The following SLC7A5 variants were observed in gnomAD, a reference collection of about 807,000 sequenced individuals.
SLC7A5 encodes the protein solute carrier family 7 member 5, also known as large neutral amino acids transporter small subunit 1.
A neutral mutation model predicts 50.2 loss-of-function variants in SLC7A5; 23 were observed. That is an observed-to-expected ratio of 0.46 (90% CI 0.33 to 0.65). The LOEUF (loss-of-function observed/expected upper bound fraction) is 0.65. Ranked by LOEUF, SLC7A5 falls within the 30% of genes least tolerant of loss-of-function variation. The pLI, the probability that SLC7A5 is intolerant of heterozygous loss-of-function variation, is 0.02. For missense variants in SLC7A5, 578 were observed against 684.4 expected (o/e 0.84, Z 1.73); for synonymous variants, 393 against 330.6 (o/e 1.19, Z -2.05).
At position 87,841,074 on chromosome 16, in the gene SLC7A5, C is replaced by T. The variant is rs770264439; in HGVS notation, c.746G>A (p.Ser249Asn). 6.8e-6 allele frequency: 11 copies of T among 1,613,630 alleles called. No individual in the cohort carries two copies. The highest frequency in any genetic ancestry group is 1.7e-6 in the Non-Finnish European group (2 of 1,179,786). Residue 249 changes from serine to asparagine, a missense_variant, in exon 3 of 10, where the codon AGC becomes AAC. Transcript: ENST00000261622. This position sits in a 1 kb window ranked among gnomAD's most constrained non-coding sequence, Gnocchi z 4.8. ...DVGNIVLALY[S>N]GLFAYGGWNY... The stretch of plus-strand genomic sequence containing the variant: ...CCATCCTCCATAGGCAAAGAGGCCG[C>T]TGTATAATGCCAGCACAATGTTCCC...
intron 2 of SLC7A5, among the ~76,000 whole-genome samples, chr16:87,851,043 A>C (rs1050540248): frequency 6.6e-6 from 1 of 152,210 alleles, no homozygotes; most frequent in African/African-American, 2.4e-5. Context: ...AAAGGCTCAG[A>C]ATCAGTGATT....
chr16:87,868,048 C>T (rs932090824), intron 1 of SLC7A5, among the ~76,000 whole-genome samples: 5 of 141,504 alleles, frequency 3.5e-5, no homozygotes, highest in African/African-American at 1.1e-4. Flanking sequence ...ACCTGGGAGG[C>T]GGGCTTGCGG....
rs548228910 is a variant in SLC7A5, at chr16:87,861,343, G to A, written c.538+7542C>T. Among the ~76,000 whole-genome samples the A allele has an allele frequency of 3.3e-5, 5 of 152,234 alleles. No homozygotes were observed. The highest frequency in any genetic ancestry group is 6.5e-5 in the Admixed American group (1 of 15,302). On this transcript the variant is annotated intron_variant, in intron 1 of 9. Transcript: ENST00000261622. The surrounding 1 kb of genome is among the most constrained non-coding windows in gnomAD (Gnocchi z 4.2). ...ACCCACCTGTGTCCTTACCTGGGCC[G>A]ACTGGGCCACCCAGTCTTGCTGACT...
chr16:87,858,996 C>A (rs560128840), intron 1 of SLC7A5, among the ~76,000 whole-genome samples: 1 of 152,198 alleles, frequency 6.6e-6, no homozygotes, highest in African/African-American at 2.4e-5. Context: ...TTGCACCGGC[C>A]CAGATGCTGC....
intron 2 of SLC7A5, among the ~76,000 whole-genome samples, chr16:87,848,274 G>A (rs1249678693): frequency 6.6e-6 from 1 of 152,230 alleles, no homozygotes; most frequent in African/African-American, 2.4e-5. Context: ...AGTTTGTTCT[G>A]CCGCTGACGG....
At position 87,831,187 on chromosome 16, in the gene SLC7A5, A is replaced by T. The variant is rs995758103; in HGVS notation, c.*1783T>A. ...TGCCTGCTGGTGGTCCTCGGCCTCC[A>T]GACCGTGGGCTGTCCCTTGGACGAG... On this transcript the variant is annotated 3_prime_UTR_variant, in exon 10 of 10. Transcript: ENST00000261622. The T allele has an allele frequency of 6.6e-6, 1 of 152,302 alleles. No homozygotes were observed. Among genetic ancestry groups the T allele is most frequent in the African/African-American group, 2.4e-5 (1 of 41,466 alleles). The allele number at this position is 152,302 out of a possible 1,614,324, so 9.4% of individuals were successfully genotyped here.
At chr16:87,838,110 C>T (rs941554948) in intron 6 of SLC7A5, among the ~76,000 whole-genome samples, 169 bp from the exon 7 acceptor site, 6 of 152,212 alleles carry the variant, frequency 3.9e-5, no homozygotes, top group African/African-American at 1.4e-4. Flanking sequence ...CTCTCAGTTC[C>T]CCCAACCAAC....
At chr16:87,838,485 GT>G (rs1212753569) in intron 6 of SLC7A5, among the ~76,000 whole-genome samples, 2 of 152,096 alleles carry the variant, frequency 1.3e-5, no homozygotes, top group African/African-American at 4.8e-5. Context: ...TAGAAACGGG[GT>G]TTTGCCATAT....
chr16:87,859,065 G>C (rs773045178), intron 1 of SLC7A5, among the ~76,000 whole-genome samples: 21 of 152,234 alleles, frequency 1.4e-4, no homozygotes, highest in Admixed American at 3.9e-4. Flanking sequence ...TCACCTGTCA[G>C]GGATGTTTGA....
Position 87,841,336 on chromosome 16 carries a change from C to T in SLC7A5, c.665-181G>A, listed in dbSNP as rs1388693447. Among the ~76,000 whole-genome samples, 2 of 152,176 alleles carry T rather than the reference C, an allele frequency of 1.3e-5. No homozygotes were observed. The highest frequency in any genetic ancestry group is 2.9e-5 in the Non-Finnish European group (2 of 67,996). On this transcript the variant is annotated intron_variant, in intron 2 of 9. Coordinates refer to ENST00000261622, the MANE Select transcript of SLC7A5 (RefSeq NM_003486.7). This position sits in a 1 kb window ranked among gnomAD's most constrained non-coding sequence, Gnocchi z 4.8. ...CATGGAGGGTGCAGGGTTCCAACCA[C>T]AACCAGGGGGATGTGGCCCTGCCAG...
In SLC7A5 at chr16:87,836,548, C is replaced by T. The variant is rs777097653; in HGVS notation, c.1240G>A (p.Gly414Ser). 6.2e-6 allele frequency: 10 copies of T among 1,613,368 alleles called. No individual in the cohort carries two copies. The highest frequency in any genetic ancestry group is 3.3e-4 in the Middle Eastern group (2 of 6,084). The change falls in exon 8 of 10, where the codon GGC (glycine) becomes AGC (serine). Residue 414 changes from glycine (G) to serine (S), a missense_variant. Coordinates refer to ENST00000261622, the MANE Select transcript of SLC7A5 (RefSeq NM_003486.7). ...TTTCTGTGGCGCAGCCAGATCATGC[C>T]GATGATGGCCAGGGCCACGCAGAGC... ...NWLCVALAII[G>S]MIWLRHRKPE...
chr16:87,867,355 C>T (rs765950258), intron 1 of SLC7A5, among the ~76,000 whole-genome samples: 30 of 152,316 alleles, frequency 2.0e-4, no homozygotes, highest in South Asian at 1.9e-3. Flanking sequence ...AAAAAGAAAT[C>T]AGAGTCATCC....
chr16:87,869,277 T>C lies in SLC7A5; in HGVS notation c.146A>G (p.Asn49Ser), dbSNP rs1256047544. 5.6e-6 allele frequency: 9 copies of C among 1,612,146 alleles called. No homozygotes were observed. The Admixed American group carries it at 1.2e-4, about 21-fold the overall frequency. ...GGCCACGCCGTTGAGCAGCGTGATG[T>C]TCCGCTGCAGGGTCACGCCCTCGCC... ...GEGEGVTLQR[N>S]ITLLNGVAII... The change falls in exon 1 of 10, where the codon AAC becomes AGC. Residue 49 changes from asparagine to serine, a missense_variant. Physicochemically the swap from Asn to Ser is conservative, Grantham distance 46. Coordinates refer to ENST00000261622, the MANE Select transcript of SLC7A5 (RefSeq NM_003486.7).
intron 1 of SLC7A5, among the ~76,000 whole-genome samples, chr16:87,864,897 C>T (rs1320560625): frequency 6.6e-6 from 1 of 152,202 alleles, no homozygotes; most frequent in Non-Finnish European, 1.5e-5. Flanking sequence ...AACTACGCTG[C>T]CTTTCTTTTA....
At chr16:87,838,955 G>C in intron 5 of SLC7A5, 138 bp from the exon 6 acceptor site, 1 of 720,680 alleles carries the variant, frequency 1.4e-6, no homozygotes, top group Non-Finnish European at 2.5e-6. Context: ...CTCTCAGGCT[G>C]GATTCTGGCC....
rs2055380190 is a variant in SLC7A5 at position 87,860,384 on chromosome 16, ACACACACACACACAC to A, written c.538+8486_538+8500del. Among the ~76,000 whole-genome samples the A allele has an allele frequency of 6.8e-6, 1 of 147,524 alleles. No individual in the cohort carries two copies. The highest frequency in any genetic ancestry group is 1.5e-5 in the Non-Finnish European group (1 of 67,354). ...CACACACACACACACACACACACAC[ACACACACACACACAC>A]ATATATATATAAAGAAAAAGGAAAT... On this transcript the variant is annotated intron_variant, in intron 1 of 9. Transcript: ENST00000261622. This position sits in a 1 kb window ranked among gnomAD's most constrained non-coding sequence, Gnocchi z 4.8.
chr16:87,864,691 C>G (rs2055439811), intron 1 of SLC7A5, among the ~76,000 whole-genome samples: 1 of 152,232 alleles, frequency 6.6e-6, no homozygotes, highest in African/African-American at 2.4e-5. Flanking sequence ...CGCTTATAGG[C>G]TCCCTGCTGA....
intron 7 of SLC7A5, chr16:87,837,633 T>C: frequency 1.8e-6 from 1 of 558,832 alleles, no homozygotes; most frequent in South Asian, 2.2e-5. Flanking sequence ...ATGGTCTGAA[T>C]CGTTTGTGGC....
intron 2 of SLC7A5, among the ~76,000 whole-genome samples, chr16:87,842,072 G>C (rs1278989356): frequency 6.6e-6 from 1 of 152,184 alleles, no homozygotes. Flanking sequence ...CAGTCTCACA[G>C]ACCACTGCGC....
Sources: allele counts gnomAD v4.1 joint callset (sites outside exome capture counted in the v4.1 genomes callset), GRCh38; gene constraint gnomAD v4.1.1; non-coding constraint Gnocchi (gnomAD v3.1); transcripts MANE v1.5; gene names NCBI Gene and HGNC (gene_info 2026-07-23, HGNC 2026-07-21).